The following KCNE4 variants were observed in gnomAD, a reference collection of about 807,000 sequenced individuals.
The protein encoded by KCNE4 is potassium voltage-gated channel subfamily E regulatory subunit 4, also known as potassium voltage-gated channel subfamily E member 4.
A neutral mutation model predicts 9.2 loss-of-function variants in KCNE4; 6 were observed. The ratio of observed to expected loss-of-function variants is 0.65; its 90% CI spans 0.36 to 1.29. The LOEUF (loss-of-function observed/expected upper bound fraction) is 1.29. KCNE4 is among the 50% of genes most tolerant of loss of function. The pLI, the probability that KCNE4 is intolerant of heterozygous loss-of-function variation, is 0.03. For synonymous variants in KCNE4, 115 were observed against 103.2 expected, an observed-to-expected ratio of 1.11 and a Z score of -0.70; for missense variants, 222 against 228.8, an observed-to-expected ratio of 0.97 and a Z score of 0.19.
In KCNE4 at chr2:223,052,230, T is replaced by C. The variant is rs72548793; in HGVS notation, c.-68T>C. 1.1e-3 allele frequency: 1,389 copies of C among 1,235,814 alleles called. 1 individual carries two copies. The highest frequency in any genetic ancestry group is 1.5e-3 in the Admixed American group (36 of 24,308). 76.6% of individuals were successfully genotyped at this position (1,235,814 alleles called of 1,614,324 possible). A position where few individuals can be genotyped will look rare whatever the true frequency, so the allele number is the denominator to read the frequency against. ...ACAGAGCAGAAGAACCCTCTTGGAC[T>C]GGACGATTTGGGAATTCAAAACTTG... On this transcript the variant is annotated 5_prime_UTR_variant, in exon 1 of 2. Coordinates refer to ENST00000281830, the MANE Select transcript of KCNE4 (RefSeq NM_080671.4).
At chr2:223,052,589 T>C (rs1276395531) in intron 1 of KCNE4, among the ~76,000 whole-genome samples, 8 of 89,678 alleles carry the variant, frequency 8.9e-5, no homozygotes, top group Non-Finnish European at 1.2e-4. Flanking sequence ...AAAAAAAAAG[T>C]CCTTCTTACT....
rs771589964 is a variant in KCNE4, at chr2:223,053,176, A to C, written c.346A>C (p.Thr116Pro). The C allele has an allele frequency of 5.0e-6, 8 of 1,611,248 alleles. No homozygotes were observed. Among genetic ancestry groups the C allele is most frequent in the Non-Finnish European group, 6.8e-6 (8 of 1,178,260 alleles). The change falls in exon 2 of 2, where the codon ACC becomes CCC. Residue 116 changes from threonine to proline, a missense_variant. Physicochemically the swap from Thr to Pro is conservative, Grantham distance 38. Coordinates refer to ENST00000281830, the MANE Select transcript of KCNE4 (RefSeq NM_080671.4). This position sits in a 1 kb window ranked among gnomAD's most constrained non-coding sequence, Gnocchi z 4.1. ...QESVAPALSC[T>P]LCSMEGDSVS... The stretch of plus-strand genomic sequence containing the variant: ...GAGCGTGGCGCCCGCGCTGTCCTGC[A>C]CCCTCTGTTCCATGGAAGGGGACAG...
Position 223,055,159 on chromosome 2 carries a change from C to CT in KCNE4, c.*1829dup, listed in dbSNP as rs36085083. The stretch of plus-strand genomic sequence containing the variant: ...AGGCATGAGCCACTGCACCCGGCCA[C>CT]TTTTTTTTTTTTTAAAGAAAAATGC... On this transcript the variant is annotated 3_prime_UTR_variant, in exon 2 of 2. Coordinates refer to ENST00000281830, the MANE Select transcript of KCNE4 (RefSeq NM_080671.4). 128,915 of 157,762 alleles carry CT rather than the reference C, an allele frequency of 0.82. 52,183 individuals are homozygous for CT. The highest frequency in any genetic ancestry group is 0.98 in the East Asian group (4,949 of 5,066). The allele number at this position is 157,762 out of a possible 1,614,324, so 9.8% of individuals were successfully genotyped here.
Position 223,053,413 on chromosome 2 carries a change from T to G in KCNE4, c.*70T>G, listed in dbSNP as rs1385386169. Reference sequence around the variant, plus strand: ...AGAGAGAGGAAAGACAGTTTTCAAGTGTCTGGTTTCACTTTCACAGTGCGG... The same window carrying G: ...AGAGAGAGGAAAGACAGTTTTCAAGGGTCTGGTTTCACTTTCACAGTGCGG... On this transcript the variant is annotated 3_prime_UTR_variant, in exon 2 of 2. Coordinates refer to ENST00000281830, the MANE Select transcript of KCNE4 (RefSeq NM_080671.4). This position sits in a 1 kb window ranked among gnomAD's most constrained non-coding sequence, Gnocchi z 4.1. 2 of 1,463,288 alleles carry G rather than the reference T, an allele frequency of 1.4e-6. No homozygotes were observed. Among genetic ancestry groups the G allele is most frequent in the Admixed American group, 3.8e-5 (2 of 52,320 alleles). The allele number at this position is 1,463,288 out of a possible 1,614,324, so 90.6% of individuals were successfully genotyped here. A position where few individuals can be genotyped will look rare whatever the true frequency, so the allele number is the denominator to read the frequency against.
chr2:223,055,196 T>C lies in KCNE4; in HGVS notation c.*1853T>C, dbSNP rs926693642. The C allele has an allele frequency of 6.6e-5, 11 of 166,796 alleles. No individual in the cohort carries two copies. The highest frequency in any genetic ancestry group is 2.2e-4 in the African/African-American group (9 of 41,322). 10.3% of individuals were successfully genotyped at this position (166,796 alleles called of 1,614,324 possible). ...TTAAAGAAAAATGCTCTGCATGGAT[T>C]GGAGACACAGCAATAACTACTGTTG... On this transcript the variant is annotated 3_prime_UTR_variant, in exon 2 of 2. Coordinates refer to ENST00000281830, the MANE Select transcript of KCNE4 (RefSeq NM_080671.4).
Position 223,053,695 on chromosome 2 carries a change from G to C in KCNE4, c.*352G>C. 2.9e-6 allele frequency: 1 copy of C among 350,292 alleles called. No homozygotes were observed. Among genetic ancestry groups the C allele is most frequent in the South Asian group, 3.2e-5 (1 of 31,300 alleles). 21.7% of individuals were successfully genotyped at this position (350,292 alleles called of 1,614,324 possible). The stretch of plus-strand genomic sequence containing the variant: ...TGGGTAGCTCCTGCAGGGTCTGCCT[G>C]TTCCCAGGGCTGCCGAATGCTTAGG... On this transcript the variant is annotated 3_prime_UTR_variant, in exon 2 of 2. Transcript: ENST00000281830. The surrounding 1 kb of genome is among the most constrained non-coding windows in gnomAD (Gnocchi z 4.1).
Position 223,055,449 on chromosome 2 carries a change from A to G in KCNE4, c.*2106A>G, listed in dbSNP as rs1037149058. 9.6e-5 allele frequency: 16 copies of G among 167,028 alleles called. No homozygotes were observed. Among genetic ancestry groups the G allele is most frequent in the Non-Finnish European group, 1.5e-4 (10 of 68,104 alleles). The allele number at this position is 167,028 out of a possible 1,614,324, so 10.3% of individuals were successfully genotyped here. On this transcript the variant is annotated 3_prime_UTR_variant, in exon 2 of 2. Coordinates refer to ENST00000281830, the MANE Select transcript of KCNE4 (RefSeq NM_080671.4). Reference sequence around the variant, plus strand: ...CTGCGACGGACATGTGCCTTGTCACATTTTCCATTGCTTAATCCTGAAGTT... The same window carrying G: ...CTGCGACGGACATGTGCCTTGTCACGTTTTCCATTGCTTAATCCTGAAGTT...
chr2:223,053,199 CA>C lies in KCNE4; in HGVS notation c.370del (p.Ser124AlafsTer2), dbSNP rs1320738184. The C allele has an allele frequency of 6.2e-7, 1 of 1,612,328 alleles. No individual in the cohort carries two copies. Among genetic ancestry groups the C allele is most frequent in the African/African-American group, 1.3e-5 (1 of 74,908 alleles). ...GCACCCTCTGTTCCATGGAAGGGGA[CA>C]GCGTGAGCTCCGAGTCCTCCTCCCC... ...SCTLCSMEGDSVSSESSSPDV... is the reference protein window; with the variant it reads ...SCTLCSMEGDXVSSESSSPDV... On this transcript the variant is annotated frameshift_variant, in exon 2 of 2. Transcript: ENST00000281830. LOFTEE classifies it high-confidence loss of function. This position sits in a 1 kb window ranked among gnomAD's most constrained non-coding sequence, Gnocchi z 4.1.
In KCNE4 at chr2:223,054,408, G is replaced by T. The variant is rs1271219372; in HGVS notation, c.*1065G>T. ...TCCCGACGATCTCCATCCCCAGGGGGTTGGGAGGATGTCTTTAGATTTTAG... is the reference window on the plus strand; with the variant it reads ...TCCCGACGATCTCCATCCCCAGGGGTTTGGGAGGATGTCTTTAGATTTTAG... On this transcript the variant is annotated 3_prime_UTR_variant, in exon 2 of 2. Coordinates refer to ENST00000281830, the MANE Select transcript of KCNE4 (RefSeq NM_080671.4). The T allele has an allele frequency of 6.0e-6, 1 of 167,074 alleles. No individual in the cohort carries two copies. Among genetic ancestry groups the T allele is most frequent in the Non-Finnish European group, 1.5e-5 (1 of 68,116 alleles). The allele number at this position is 167,074 out of a possible 1,614,324, so 10.3% of individuals were successfully genotyped here.
In KCNE4 at chr2:223,053,347, C is replaced by A. The variant is rs1393096098; in HGVS notation, c.*4C>A. ...GAACATCCATCAGAATTCCTAGCACCCCCGGGACCCCTGCCGGTGGCTCCA... is the reference window on the plus strand; with the variant it reads ...GAACATCCATCAGAATTCCTAGCACACCCGGGACCCCTGCCGGTGGCTCCA... On this transcript the variant is annotated 3_prime_UTR_variant, in exon 2 of 2. Transcript: ENST00000281830. This position sits in a 1 kb window ranked among gnomAD's most constrained non-coding sequence, Gnocchi z 4.1. The A allele has an allele frequency of 4.3e-6, 7 of 1,612,676 alleles. No homozygotes were observed. The highest frequency in any genetic ancestry group is 1.7e-5 in the Admixed American group (1 of 59,918).
rs1698711293 is a variant in KCNE4 at position 223,052,740 on chromosome 2, C to G, written c.-23-68C>G. The G allele has an allele frequency of 4.5e-6, 7 of 1,553,884 alleles. No individual in the cohort carries two copies. The South Asian group carries it at 5.7e-5, about 13-fold the overall frequency. On this transcript the variant is annotated intron_variant, in intron 1 of 1. Coordinates refer to ENST00000281830, the MANE Select transcript of KCNE4 (RefSeq NM_080671.4). ...TTTTTGGTATTGCAGTTCCACAAAC[C>G]TCGTGCTCCCCCACCTCCCTGTGCC... is the stretch of plus-strand genomic sequence containing the variant.
In KCNE4 at chr2:223,053,091, G is replaced by T. The variant is rs1262606119; in HGVS notation, c.261G>T (p.Leu87=). The part of the protein sequence containing the change: ...ERLWGEAMKP[L]PVVSGLRSVQ... Reference sequence around the variant, plus strand: ...TCTGGGGGGAGGCCATGAAGCCGCTGCCTGTGGTGTCGGGCCTGAGGTCGG... The same window carrying T: ...TCTGGGGGGAGGCCATGAAGCCGCTTCCTGTGGTGTCGGGCCTGAGGTCGG... Residue 87 remains leucine, a synonymous_variant, in exon 2 of 2, where the codon CTG becomes CTT. Transcript: ENST00000281830. The surrounding 1 kb of genome is among the most constrained non-coding windows in gnomAD (Gnocchi z 4.1). 1.2e-6 allele frequency: 2 copies of T among 1,613,952 alleles called. No individual in the cohort carries two copies. The highest frequency in any genetic ancestry group is 4.5e-5 in the East Asian group (2 of 44,870).
Position 223,052,420 on chromosome 2 carries a change from T to G in KCNE4, c.-24+146T>G, listed in dbSNP as rs1698706769. On this transcript the variant is annotated intron_variant, in intron 1 of 1. Transcript: ENST00000281830. ...TTGTTTTGAATTTAAAATAGTTTGG[T>G]TTTGGAAACACAATGTAAACTTTGT... 4.3e-6 allele frequency: 3 copies of G among 691,014 alleles called. No homozygotes were observed. In the East Asian group the frequency reaches 1.0e-4, roughly 24 times the overall value. 42.8% of individuals were successfully genotyped at this position (691,014 alleles called of 1,614,324 possible).
Position 223,053,607 on chromosome 2 carries a change from G to A in KCNE4, c.*264G>A, listed in dbSNP as rs1198841695. ...CGCGTACACTGACTTTGGGGCCTGG[G>A]TGTTGGGGTTCTGATCAGAATTTGG... On this transcript the variant is annotated 3_prime_UTR_variant, in exon 2 of 2. Transcript: ENST00000281830. This position sits in a 1 kb window ranked among gnomAD's most constrained non-coding sequence, Gnocchi z 4.1. 7.7e-6 allele frequency: 4 copies of A among 521,656 alleles called. No homozygotes were observed. The highest frequency in any genetic ancestry group is 1.9e-5 in the African/African-American group (1 of 52,300). 32.3% of individuals were successfully genotyped at this position (521,656 alleles called of 1,614,324 possible).
Position 223,055,515 on chromosome 2 carries a change from T to C in KCNE4, c.*2172T>C, listed in dbSNP as rs1175520708. ...TGCACCTATTAAAAAGTGATGTATA[T>C]ACTTCCTTCTTATTCTGTTGAGTTG... On this transcript the variant is annotated 3_prime_UTR_variant, in exon 2 of 2. Transcript: ENST00000281830. 1 of 167,106 alleles carries C rather than the reference T, an allele frequency of 6.0e-6. No homozygotes were observed. Among genetic ancestry groups the C allele is most frequent in the Non-Finnish European group, 1.5e-5 (1 of 68,126 alleles). The allele number at this position is 167,106 out of a possible 1,614,324, so 10.4% of individuals were successfully genotyped here.
At chr2:223,052,785 C>G in intron 1 of KCNE4, 23 bp from the exon 2 acceptor site, 2 of 1,601,836 alleles carry the variant, frequency 1.2e-6, no homozygotes, top group Non-Finnish European at 1.7e-6. Flanking sequence ...GGGGAGAGTT[C>G]TAACCTGCGG....
chr2:223,053,330 A>G lies in KCNE4; in HGVS notation c.500A>G (p.His167Arg). The change falls in exon 2 of 2, where the codon CAT becomes CGT. Residue 167 changes from histidine (H) to arginine (R), a missense_variant. Physicochemically the swap from His to Arg is conservative, Grantham distance 29. Transcript: ENST00000281830. The surrounding 1 kb of genome is among the most constrained non-coding windows in gnomAD (Gnocchi z 4.1). ...AGCGAAGGGTCCTCGGAGAACATCC[A>G]TCAGAATTCCTAGCACCCCCGGGAC... The part of the protein sequence containing the change: ...ESSEGSSENI[H>R]QNS 1 of 1,613,694 alleles carries G rather than the reference A, an allele frequency of 6.2e-7. No individual in the cohort carries two copies. The highest frequency in any genetic ancestry group is 8.5e-7 in the Non-Finnish European group (1 of 1,179,938).
Position 223,053,301 on chromosome 2 carries a change from G to C in KCNE4, c.471G>C (p.Glu157Asp). ...AGACCTCGGAGACGCCCCTCAACGAGAGCAGCGAAGGGTCCTCGGAGAACA... is the reference window on the plus strand; with the variant it reads ...AGACCTCGGAGACGCCCCTCAACGACAGCAGCGAAGGGTCCTCGGAGAACA... ...LEETSETPLN[E>D]SSEGSSENIH... The change falls in exon 2 of 2, where the codon GAG becomes GAC. Residue 157 changes from glutamate (E) to aspartate (D), a missense_variant. Coordinates refer to ENST00000281830, the MANE Select transcript of KCNE4 (RefSeq NM_080671.4). The surrounding 1 kb of genome is among the most constrained non-coding windows in gnomAD (Gnocchi z 4.1). The C allele has an allele frequency of 6.2e-7, 1 of 1,613,918 alleles. No homozygotes were observed. The highest frequency in any genetic ancestry group is 1.1e-5 in the South Asian group (1 of 91,078).
intron 1 of KCNE4, 73 bp downstream of exon 1, chr2:223,052,347 A>AT (rs922727807): frequency 1.7e-5 from 18 of 1,089,068 alleles, no homozygotes; most frequent in East Asian, 3.2e-5. Context: ...TAATAGATGA[A>AT]TTTTTTTCCT....
Sources: gnomAD v4.1 joint callset for allele counts (sites outside exome capture counted in the v4.1 genomes callset) on GRCh38, gnomAD v4.1.1 for gene constraint, Gnocchi (gnomAD v3.1) non-coding constraint, MANE v1.5 for transcripts, NCBI Gene and HGNC (gene_info 2026-07-23, HGNC 2026-07-21) for gene names.